The following LGSN variants were observed in gnomAD, a reference collection of about 807,000 sequenced individuals.
LGSN encodes the protein lengsin, lens protein with glutamine synthetase domain, also known as lengsin.
Under a neutral mutation model 19.5 loss-of-function variants are expected in LGSN, and 21 were observed. The observed-to-expected ratio is 1.07, with a 90% confidence interval of 0.76 to 1.55. LGSN has a LOEUF of 1.55. Among genes scored for constraint, LGSN ranks in the 40% most tolerant of loss-of-function variants. The pLI, the probability that LGSN is intolerant of heterozygous loss-of-function variation, is 0.00. For missense variants in LGSN, 673 were observed against 608.5 expected (o/e 1.11, Z -1.12); for synonymous variants, 257 against 215.6 (o/e 1.19, Z -1.68).
the LGSN span, among the ~76,000 whole-genome samples, chr6:63,430,571 TAG>T: frequency 6.6e-6 from 1 of 151,972 alleles, no homozygotes; most frequent in Admixed American, 6.6e-5. Flanking sequence ...GTATTTTTAG[TAG>T]AGATGGGATT....
the LGSN span, among the ~76,000 whole-genome samples, chr6:63,410,044 T>TTAAAA: frequency 6.6e-6 from 1 of 151,876 alleles, no homozygotes; most frequent in Non-Finnish European, 1.5e-5. Context: ...CTCAAAAAAA[T>TTAAAA]TAAAATAAAA....
At chr6:63,333,402 C>G in the LGSN span, among the ~76,000 whole-genome samples, 1 of 149,426 alleles carries the variant, frequency 6.7e-6, no homozygotes, top group Non-Finnish European at 1.5e-5. Flanking sequence ...AAGCATTACC[C>G]TGGCACCAAA....
the LGSN span, among the ~76,000 whole-genome samples, chr6:63,495,994 T>C: frequency 6.6e-6 from 1 of 151,778 alleles, no homozygotes; most frequent in Non-Finnish European, 1.5e-5. Flanking sequence ...TGGTGTGATC[T>C]TGGCTTACCG....
the LGSN span, among the ~76,000 whole-genome samples, chr6:63,408,186 G>T: frequency 1.3e-5 from 2 of 152,012 alleles, no homozygotes; most frequent in African/African-American, 2.4e-5. Context: ...CTACTTTAAA[G>T]TTCATATGGA....
chr6:63,331,299 G>A, the LGSN span, among the ~76,000 whole-genome samples: 15 of 152,122 alleles, frequency 9.9e-5, no homozygotes, highest in Admixed American at 7.9e-4. Context: ...CACTCCATTT[G>A]CCTTCCCTCT....
chr6:63,336,555 G>GTATA, the LGSN span, among the ~76,000 whole-genome samples: 41 of 142,088 alleles, frequency 2.9e-4, no homozygotes, highest in African/African-American at 8.4e-4. Flanking sequence ...GTGTGTGTGT[G>GTATA]TGTGTGTATA....
chr6:63,363,511 T>C, the LGSN span, among the ~76,000 whole-genome samples: 2 of 152,218 alleles, frequency 1.3e-5, no homozygotes, highest in Admixed American at 6.5e-5. Flanking sequence ...TTAAATGACC[T>C]GATGGAGCTG....
At chr6:63,536,548 A>G in the LGSN span, among the ~76,000 whole-genome samples, 1 of 152,208 alleles carries the variant, frequency 6.6e-6, no homozygotes, top group African/African-American at 2.4e-5. Flanking sequence ...CGTGGGGAAC[A>G]AATCACCACT....
chr6:63,471,854 C>T, the LGSN span, among the ~76,000 whole-genome samples: 1 of 152,006 alleles, frequency 6.6e-6, no homozygotes, highest in Admixed American at 6.6e-5. Flanking sequence ...GGTGGGGACC[C>T]TCAGGATGGG....
chr6:63,347,484 T>C, the LGSN span, among the ~76,000 whole-genome samples: 1 of 152,230 alleles, frequency 6.6e-6, no homozygotes, highest in Admixed American at 6.5e-5. Context: ...TTCAGACATA[T>C]AATTTCAAGG....
At chr6:63,372,654 G>A in the LGSN span, among the ~76,000 whole-genome samples, 12 of 152,110 alleles carry the variant, frequency 7.9e-5, no homozygotes, top group Middle Eastern at 3.4e-3. Context: ...AATTTAGAGG[G>A]AAATGAAAGC....
the LGSN span, among the ~76,000 whole-genome samples, chr6:63,506,414 C>A: frequency 6.6e-6 from 1 of 152,034 alleles, no homozygotes; most frequent in African/African-American, 2.4e-5. Flanking sequence ...CAGGTGCCCA[C>A]CACCACGCCC....
At chr6:63,456,574 T>C in the LGSN span, among the ~76,000 whole-genome samples, 1 of 151,600 alleles carries the variant, frequency 6.6e-6, no homozygotes, top group Non-Finnish European at 1.5e-5. Context: ...TATTAGTTCA[T>C]GTCACAGAAG....
the LGSN span, among the ~76,000 whole-genome samples, chr6:63,543,202 T>C: frequency 6.6e-6 from 1 of 152,210 alleles, no homozygotes; most frequent in Non-Finnish European, 1.5e-5. Context: ...TTGCCAGACT[T>C]GTCCCTGTTT....
At chr6:63,321,928 T>A (rs1769095234), upstream of LGSN, among the ~76,000 whole-genome samples, 1 of 152,170 alleles carries the variant, frequency 6.6e-6, no homozygotes, top group East Asian at 1.9e-4. Flanking sequence ...AGACAACATA[T>A]GGAAAGACCG....
At chr6:63,538,000 G>A in the LGSN span, among the ~76,000 whole-genome samples, 187 of 152,332 alleles carry the variant, frequency 1.2e-3, 1 homozygote, top group Admixed American at 0.011. Flanking sequence ...TTTACCTGAG[G>A]CCAGTCTTGT....
chr6:63,353,055 T>C, the LGSN span, among the ~76,000 whole-genome samples: 5 of 152,150 alleles, frequency 3.3e-5, no homozygotes, highest in African/African-American at 1.2e-4. Context: ...CTTTCAAATC[T>C]AAAAAGCCAT....
chr6:63,515,213 G>GTTTT, the LGSN span, among the ~76,000 whole-genome samples: 43 of 106,392 alleles, frequency 4.0e-4, no homozygotes, highest in African/African-American at 2.3e-3. Context: ...TTTCTAAAAA[G>GTTTT]TTTTTTTGTT....
chr6:63,514,808 C>A, the LGSN span, among the ~76,000 whole-genome samples: 31 of 152,242 alleles, frequency 2.0e-4, no homozygotes, highest in Middle Eastern at 3.4e-3. Context: ...TCCAGTGATC[C>A]TCCCACTTCA....
Sources: gnomAD v4.1 joint callset for allele counts (sites outside exome capture counted in the v4.1 genomes callset) on GRCh38, gnomAD v4.1.1 for gene constraint, MANE v1.5 for transcripts, NCBI Gene and HGNC (gene_info 2026-07-23, HGNC 2026-07-21) for gene names.